Variants in FRRS1 observed in about 807,000 individuals in gnomAD.
FRRS1 encodes ferric chelate reductase 1, also known as ferric reductase 1.
In FRRS1, 51 loss-of-function variants were observed where a neutral mutation model predicts 70.7. The observed-to-expected ratio is 0.72, with a 90% CI of 0.58 to 0.91. The LOEUF is 0.91. Ranked by LOEUF, FRRS1 falls within the 40% of genes least tolerant of loss-of-function variation. The pLI is 0.00. For synonymous variants in FRRS1, 225 were observed against 238.7 expected, an observed-to-expected ratio of 0.94 and a Z score of 0.53; for missense variants, 672 against 726.0, an observed-to-expected ratio of 0.93 and a Z score of 0.86.
chr1:99,737,078 T>C (rs1285675667), intron 7 of FRRS1, among the ~76,000 whole-genome samples: 2 of 152,150 alleles, frequency 1.3e-5, no homozygotes, highest in African/African-American at 4.8e-5. Flanking sequence ...TCTCCATTTC[T>C]GGTCATCCCT....
chr1:99,718,304 G>A (rs949179137), intron 10 of FRRS1, among the ~76,000 whole-genome samples: 16 of 152,132 alleles, frequency 1.1e-4, no homozygotes, highest in African/African-American at 3.9e-4. Context: ...TGTAGAACCA[G>A]AGTATATTAA....
chr1:99,731,238 A>C (rs953390986), intron 7 of FRRS1, among the ~76,000 whole-genome samples: 1 of 152,186 alleles, frequency 6.6e-6, no homozygotes, highest in African/African-American at 2.4e-5. Flanking sequence ...TTCTCCATAA[A>C]CTATCTAACA....
At chr1:99,730,315 T>TA (rs1182850766) in intron 7 of FRRS1, among the ~76,000 whole-genome samples, 1 of 152,170 alleles carries the variant, frequency 6.6e-6, no homozygotes, top group Non-Finnish European at 1.5e-5. Flanking sequence ...TAATGTTATA[T>TA]AACTGAGGCA....
intron 10 of FRRS1, 50 bp from the exon 11 acceptor site, chr1:99,717,575 A>G (rs775145497): frequency 7.9e-6 from 10 of 1,270,936 alleles, no homozygotes; most frequent in Admixed American, 3.4e-5. Context: ...GAATCAAGCC[A>G]TCGCTTAAAT....
At chr1:99,758,430 G>A (rs140433943) in intron 1 of FRRS1, among the ~76,000 whole-genome samples, 40 of 152,324 alleles carry the variant, frequency 2.6e-4, no homozygotes, top group African/African-American at 9.4e-4. Flanking sequence ...CATGGCAGAG[G>A]AACATAAATT....
At chr1:99,710,032 C>CAT (rs1172913866) in intron 15 of FRRS1, among the ~76,000 whole-genome samples, 2 of 152,124 alleles carry the variant, frequency 1.3e-5, no homozygotes, top group Non-Finnish European at 2.9e-5. Flanking sequence ...AAAAGCCCCA[C>CAT]ATATATAAGC....
rs766616662 is a variant in FRRS1 at position 99,740,687 on chromosome 1, T to C, written c.576+106A>G. 134 of 761,566 alleles carry C rather than the reference T, an allele frequency of 1.8e-4. 2 individuals carry two copies. Among genetic ancestry groups the C allele is most frequent in the Middle Eastern group, 2.4e-4 (1 of 4,176 alleles). The allele number at this position is 761,566 out of a possible 1,614,324, so 47.2% of individuals were successfully genotyped here. A position where few individuals can be genotyped will look rare whatever the true frequency, so the allele number is the denominator to read the frequency against. On this transcript the variant is annotated intron_variant, in intron 6 of 16. Coordinates refer to ENST00000646001, the MANE Select transcript of FRRS1 (RefSeq NM_001361041.2). ...GGCTCACACCTGTAATTCCAAGCAC[T>C]TTGTGACTCCAAGGCAGGAGGATCA...
chr1:99,729,765 A>T lies in FRRS1; in HGVS notation c.760-17T>A. The T allele has an allele frequency of 6.6e-7, 1 of 1,523,938 alleles. No homozygotes were observed. The highest frequency in any genetic ancestry group is 9.1e-7 in the Non-Finnish European group (1 of 1,102,064). 94.4% of individuals were successfully genotyped at this position (1,523,938 alleles called of 1,614,324 possible). Reference sequence around the variant, plus strand: ...ATCATCACCCTGAAAAACAATTGCAAATGAGAAAAAAAGCTCAAAGGAATT... The same window carrying T: ...ATCATCACCCTGAAAAACAATTGCATATGAGAAAAAAAGCTCAAAGGAATT... On this transcript the variant is annotated splice_polypyrimidine_tract_variant and intron_variant, in intron 7 of 16. Coordinates refer to ENST00000646001, the MANE Select transcript of FRRS1 (RefSeq NM_001361041.2).
At chr1:99,736,253 G>C (rs1655650487) in intron 7 of FRRS1, among the ~76,000 whole-genome samples, 1 of 152,136 alleles carries the variant, frequency 6.6e-6, no homozygotes, top group African/African-American at 2.4e-5. Flanking sequence ...AAAAGGAAGT[G>C]GGGAAGATGT....
At chr1:99,750,396 G>A (rs1266234342) in intron 1 of FRRS1, among the ~76,000 whole-genome samples, 1 of 152,168 alleles carries the variant, frequency 6.6e-6, no homozygotes, top group Non-Finnish European at 1.5e-5. Context: ...AAGAAATAGA[G>A]CAAGCCTCAG....
chr1:99,740,218 GAA>G (rs35677289), intron 6 of FRRS1, among the ~76,000 whole-genome samples: 2 of 151,020 alleles, frequency 1.3e-5, no homozygotes, highest in African/African-American at 2.4e-5. Flanking sequence ...TTAAAAGAAA[GAA>G]AAAAAAACTA....
At chr1:99,734,818 G>C (rs1655567911) in intron 7 of FRRS1, among the ~76,000 whole-genome samples, 1 of 152,180 alleles carries the variant, frequency 6.6e-6, no homozygotes, top group Non-Finnish European at 1.5e-5. Context: ...TTTAGATGTT[G>C]CTTTGTGCTG....
At position 99,704,482 on chromosome 1, in the gene FRRS1, G is replaced by T. The variant is rs746607418; in HGVS notation, c.*4546C>A. Among the ~76,000 whole-genome samples the T allele has an allele frequency of 6.6e-6, 1 of 152,162 alleles. No individual in the cohort carries two copies. Among genetic ancestry groups the T allele is most frequent in the Admixed American group, 6.5e-5 (1 of 15,278 alleles). On this transcript the variant is annotated 3_prime_UTR_variant, in exon 17 of 17. Coordinates refer to ENST00000646001, the MANE Select transcript of FRRS1 (RefSeq NM_001361041.2). The stretch of plus-strand genomic sequence containing the variant: ...CAGGAAAGGAGGGAAAGGAAGTGCT[G>T]GGTAGAGGAGGGCGTGGTCCCTGGC...
At chr1:99,741,009 G>T in intron 5 of FRRS1, 69 bp from the exon 6 acceptor site, 1 of 1,356,448 alleles carries the variant, frequency 7.4e-7, no homozygotes, top group Non-Finnish European at 1.0e-6. Flanking sequence ...AAACGTTAAA[G>T]GAAAAAAAAA....
intron 11 of FRRS1, 43 bp from the exon 12 acceptor site, chr1:99,715,715 A>G (rs1451242299): frequency 7.1e-7 from 1 of 1,403,006 alleles, no homozygotes; most frequent in South Asian, 1.2e-5. Context: ...TTATCCATGT[A>G]AAAGAAAGGT....
At chr1:99,729,779 C>T in intron 7 of FRRS1, 31 bp from the exon 8 acceptor site, 2 of 1,431,172 alleles carry the variant, frequency 1.4e-6, no homozygotes, top group South Asian at 1.2e-5. Context: ...AGAAAAAAAG[C>T]TCAAAGGAAT....
intron 9 of FRRS1, among the ~76,000 whole-genome samples, chr1:99,725,078 A>C (rs1428221107): frequency 6.6e-6 from 1 of 152,140 alleles, no homozygotes; most frequent in Non-Finnish European, 1.5e-5. Context: ...CCTTAGATCA[A>C]AATGCATTAG....
chr1:99,747,816 C>T (rs1426438256), intron 3 of FRRS1: 2 of 156,622 alleles, frequency 1.3e-5, no homozygotes, highest in Non-Finnish European at 2.8e-5. Context: ...AACAAACCTA[C>T]ACATGTACCC....
Position 99,705,606 on chromosome 1 carries a change from G to A in FRRS1, c.*3422C>T, listed in dbSNP as rs1001665416. On this transcript the variant is annotated 3_prime_UTR_variant, in exon 17 of 17. Transcript: ENST00000646001. ...TGCAGCCTGGACTGGTGCAGGATGTGGAAGGGATGAGGTATTGCTTAACAC... is the reference window on the plus strand; with the variant it reads ...TGCAGCCTGGACTGGTGCAGGATGTAGAAGGGATGAGGTATTGCTTAACAC... Among the ~76,000 whole-genome samples, 1 of 152,146 alleles carries A rather than the reference G, an allele frequency of 6.6e-6. No homozygotes were observed. Among genetic ancestry groups the A allele is most frequent in the Non-Finnish European group, 1.5e-5 (1 of 68,024 alleles).
Sources: allele counts gnomAD v4.1 joint callset (sites outside exome capture counted in the v4.1 genomes callset), GRCh38; gene constraint gnomAD v4.1.1; transcripts MANE v1.5; gene names NCBI Gene and HGNC (gene_info 2026-07-23, HGNC 2026-07-21).